STOX2: variants seen among roughly 807,000 people sequenced by gnomAD.
STOX2 encodes the protein storkhead box 2.
A neutral mutation model predicts 60.9 loss-of-function variants in STOX2; 28 were observed. The ratio of observed to expected loss-of-function variants is 0.46; its 90% confidence interval spans 0.34 to 0.63. The LOEUF (loss-of-function observed/expected upper bound fraction) is 0.63. STOX2 is among the 30% of genes least tolerant of loss of function. The pLI, the probability that STOX2 is intolerant of heterozygous loss-of-function variation, is 0.01. For missense variants in STOX2, 1,024 were observed against 1,187.7 expected, an observed-to-expected ratio of 0.86 and a Z score of 2.03; for synonymous variants, 472 against 463.9, an observed-to-expected ratio of 1.02 and a Z score of -0.22.
chr4:183,933,100 A>C (rs943731261), intron 1 of STOX2, among the ~76,000 whole-genome samples: 5 of 152,222 alleles, frequency 3.3e-5, no homozygotes, highest in African/African-American at 1.2e-4. Context: ...TGTTCGTATT[A>C]GCCAGTGTTT....
intron 1 of STOX2, among the ~76,000 whole-genome samples, chr4:183,913,634 G>C (rs1741847054): frequency 6.6e-6 from 1 of 152,168 alleles, no homozygotes; most frequent in African/African-American, 2.4e-5. Context: ...AGCTGGGCAT[G>C]GTGGCGCGTG....
intron 1 of STOX2, among the ~76,000 whole-genome samples, chr4:183,953,128 GTATACCTA>G (rs1016636403): frequency 6.6e-6 from 1 of 151,846 alleles, no homozygotes; most frequent in Middle Eastern, 3.4e-3. Flanking sequence ...CGTGGCACAT[GTATACCTA>G]TGTAACAAAC....
At chr4:183,934,896 G>A (rs1435439) in intron 1 of STOX2, among the ~76,000 whole-genome samples, 151,668 of 152,378 alleles carry the variant, frequency 1, 75,486 homozygotes, top group Middle Eastern at 1. Context: ...TTCGCCTCTT[G>A]GGGGTATCGC....
chr4:183,914,259 G>A (rs180867755), intron 1 of STOX2, among the ~76,000 whole-genome samples: 19 of 152,156 alleles, frequency 1.2e-4, no homozygotes, highest in African/African-American at 3.6e-4. Context: ...TGAACATGGC[G>A]AAACCCCGTC....
intron 1 of STOX2, among the ~76,000 whole-genome samples, chr4:183,951,413 CATGATTTAGAGG>C (rs1262953585): frequency 1.4e-5 from 2 of 147,976 alleles, no homozygotes; most frequent in Non-Finnish European, 3.0e-5. Flanking sequence ...TATTTTCATC[CATGATTTAGAGG>C]ACGACAGTCT....
intron 1 of STOX2, among the ~76,000 whole-genome samples, 187 bp downstream of exon 1, chr4:183,907,143 A>G (rs1741643345): frequency 6.6e-6 from 1 of 151,992 alleles, no homozygotes. Flanking sequence ...CCCTCTCAAT[A>G]TGGGGTTGGA....
At chr4:184,008,599 A>C (rs1430501005) in intron 2 of STOX2, among the ~76,000 whole-genome samples, 1 of 152,236 alleles carries the variant, frequency 6.6e-6, no homozygotes, top group Non-Finnish European at 1.5e-5. Context: ...TAGAGGATAC[A>C]TCATAAACAG....
intron 1 of STOX2, among the ~76,000 whole-genome samples, chr4:183,816,649 TAAAAA>T (rs568050842): frequency 0.026 from 3,979 of 150,918 alleles, 165 homozygotes; most frequent in African/African-American, 0.091. Context: ...ATATAAAATT[TAAAAA>T]AAAAATTCAA....
intron 1 of STOX2, among the ~76,000 whole-genome samples, chr4:183,818,811 G>T (rs996430792): frequency 2.0e-5 from 3 of 150,946 alleles, no homozygotes; most frequent in Non-Finnish European, 4.4e-5. Context: ...GGGCGGAGGG[G>T]CTCCTCACCT....
intron 1 of STOX2, among the ~76,000 whole-genome samples, chr4:183,967,596 C>T (rs1743616078): frequency 6.6e-6 from 1 of 152,022 alleles, no homozygotes; most frequent in Admixed American, 6.5e-5. Context: ...ATGTTTGGGA[C>T]CGGAGATGTA....
At chr4:183,853,739 T>A (rs1469366983) in intron 1 of STOX2, 1 of 152,170 alleles carries the variant, frequency 6.6e-6, no homozygotes, top group Non-Finnish European at 1.5e-5. Flanking sequence ...ATCGAGAGAA[T>A]AAAAGCAGCA....
chr4:183,814,201 G>A lies in STOX2; in HGVS notation c.364+16146G>A, dbSNP rs540133395. Among the ~76,000 whole-genome samples the A allele has an allele frequency of 5.9e-5, 9 of 152,226 alleles. No homozygotes were observed. The South Asian group carries it at 8.3e-4, about 14-fold the overall frequency. ...ATATTGGATGGAATAGTATATAGCC[G>A]TTAAAATATCTATGAAGGTTATGAA... is the stretch of plus-strand genomic sequence containing the variant. On this transcript the variant is annotated intron_variant, in intron 1 of 2. Coordinates refer to the STOX2 transcript ENST00000513034.
chr4:184,006,010 T>G (rs938249948), intron 2 of STOX2, among the ~76,000 whole-genome samples: 1 of 152,230 alleles, frequency 6.6e-6, no homozygotes, highest in Non-Finnish European at 1.5e-5. Context: ...ATTTGAGAAC[T>G]ACTAGAGAAC....
At chr4:183,934,507 A>G (rs6828617) in intron 1 of STOX2, among the ~76,000 whole-genome samples, 35,867 of 152,080 alleles carry the variant, frequency 0.24, 7,714 homozygotes, top group African/African-American at 0.57. Flanking sequence ...CTTTATTTCT[A>G]TATAGCCTGT....
At position 183,836,860 on chromosome 4, in the gene STOX2, A is replaced by G. The variant is rs898018382; in HGVS notation, c.364+38805A>G. ...ATCTGGAATATTTGCTTCTAATTTG[A>G]CTATACAGGTTTGGTACACCTTGGA... On this transcript the variant is annotated intron_variant, in intron 1 of 2. Transcript: ENST00000513034. This position sits in a 1 kb window ranked among gnomAD's most constrained non-coding sequence, Gnocchi z 4.1. Among the ~76,000 whole-genome samples the G allele has an allele frequency of 2.0e-5, 3 of 152,220 alleles. No homozygotes were observed. Among genetic ancestry groups the G allele is most frequent in the Non-Finnish European group, 2.9e-5 (2 of 68,026 alleles).
chr4:183,894,245 T>C (rs981896913), intron 1 of STOX2, among the ~76,000 whole-genome samples: 8 of 152,388 alleles, frequency 5.2e-5, no homozygotes, highest in Admixed American at 1.3e-4. Flanking sequence ...ACTACAGTTA[T>C]ATTATAGCTA....
chr4:183,973,367 A>G (rs1743798130), intron 1 of STOX2, among the ~76,000 whole-genome samples: 1 of 152,370 alleles, frequency 6.6e-6, no homozygotes, highest in East Asian at 1.9e-4. Context: ...GAATTACTGC[A>G]GATTTAATTG....
intron 1 of STOX2, among the ~76,000 whole-genome samples, chr4:183,896,330 G>A (rs561120382): frequency 1.3e-3 from 199 of 152,264 alleles, no homozygotes; most frequent in African/African-American, 4.4e-3. Context: ...CCGTGGCTCC[G>A]TGTCGTCTTT....
At position 184,014,124 on chromosome 4, in the gene STOX2, A is replaced by AAG. The variant is rs1195805948; in HGVS notation, c.2585+2702_2585+2703insGA. 322 of 111,796 alleles carry AAG rather than the reference A, an allele frequency of 2.9e-3. 3 individuals are homozygous for AAG. Among genetic ancestry groups the AAG allele is most frequent in the African/African-American group, 0.012 (304 of 25,752 alleles). The allele number at this position is 111,796 out of a possible 1,614,324, so 6.9% of individuals were successfully genotyped here. On this transcript the variant is annotated intron_variant, in intron 3 of 3. Transcript: ENST00000308497. ...TAAGCCCCAACCAAAAAAAAAAAAA[A>AAG]AAAAAAAAAACAGAAAAAGACCCCA...
Sources: gnomAD v4.1 joint callset for allele counts (sites outside exome capture counted in the v4.1 genomes callset) on GRCh38, gnomAD v4.1.1 for gene constraint, Gnocchi (gnomAD v3.1) non-coding constraint, MANE v1.5 for transcripts, NCBI Gene and HGNC (gene_info 2026-07-23, HGNC 2026-07-21) for gene names.